The following ADAMTSL1 variants were observed in gnomAD, a reference collection of about 807,000 sequenced individuals.
ADAMTSL1 encodes ADAMTS like 1.
Under a neutral mutation model 201.8 loss-of-function variants are expected in ADAMTSL1, and 126 were observed. The ratio of observed to expected loss-of-function variants is 0.62; its 90% CI spans 0.54 to 0.72. The LOEUF (loss-of-function observed/expected upper bound fraction) is 0.72. Ranked by LOEUF, ADAMTSL1 falls within the 30% of genes least tolerant of loss-of-function variation. ADAMTSL1 has a pLI of 0.00. For missense variants in ADAMTSL1, 2,679 were observed against 2,277.8 expected, an observed-to-expected ratio of 1.18 and a Z score of -3.59; for synonymous variants, 1,121 against 903.4, an observed-to-expected ratio of 1.24 and a Z score of -4.32.
intron 2 of ADAMTSL1, among the ~76,000 whole-genome samples, chr9:18,462,150 G>C (rs1820832052): frequency 6.6e-6 from 1 of 152,146 alleles, no homozygotes; most frequent in Non-Finnish European, 1.5e-5. Flanking sequence ...CTCAACGTGT[G>C]CTTAAGGTAT....
rs1588401853 is a variant in ADAMTSL1 at position 17,912,167 on chromosome 9, G to A, written c.87+5245G>A. On this transcript the variant is annotated intron_variant, in intron 1 of 29. Coordinates refer to the ADAMTSL1 transcript ENST00000680146. ...ACATATGTGTGCATGTGTCTTTATA[G>A]CAGCATGATTTATAGTCCTTTTGAT... Among the ~76,000 whole-genome samples the A allele has an allele frequency of 3.5e-5, 2 of 57,478 alleles. 1 individual carries two copies. Among genetic ancestry groups the A allele is most frequent in the Non-Finnish European group, 1.1e-4 (2 of 18,372 alleles). The allele number at this position is 57,478 out of a possible 152,430, so 37.7% of individuals were successfully genotyped here.
At chr9:18,070,843 C>T (rs1414944546) in intron 1 of ADAMTSL1, among the ~76,000 whole-genome samples, 1 of 152,056 alleles carries the variant, frequency 6.6e-6, no homozygotes, top group Non-Finnish European at 1.5e-5. Context: ...ACACTCATCC[C>T]CACCCCGATG....
At chr9:18,025,354 G>T (rs900199114) in intron 1 of ADAMTSL1, among the ~76,000 whole-genome samples, 1 of 151,810 alleles carries the variant, frequency 6.6e-6, no homozygotes, top group Non-Finnish European at 1.5e-5. Context: ...AAGATTACTT[G>T]CTAGGTTTTC....
intron 2 of ADAMTSL1, among the ~76,000 whole-genome samples, chr9:18,465,921 T>G (rs1184293273): frequency 1.9e-5 from 2 of 107,586 alleles, no homozygotes; most frequent in African/African-American, 7.8e-5. Flanking sequence ...GCTAATTTTG[T>G]TTTTTTTTTA....
chr9:17,941,632 T>C (rs1827242922), intron 1 of ADAMTSL1, among the ~76,000 whole-genome samples: 1 of 152,120 alleles, frequency 6.6e-6, no homozygotes, highest in South Asian at 2.1e-4. Flanking sequence ...CTTTTGAGTA[T>C]AGAGTCGGGG....
At chr9:18,001,151 A>T (rs1005419381) in intron 1 of ADAMTSL1, among the ~76,000 whole-genome samples, 1 of 152,076 alleles carries the variant, frequency 6.6e-6, no homozygotes, top group Non-Finnish European at 1.5e-5. Flanking sequence ...CTGGTCTTTG[A>T]AATAGACAAA....
At chr9:18,012,536 C>A (rs967980985) in intron 1 of ADAMTSL1, among the ~76,000 whole-genome samples, 4 of 152,022 alleles carry the variant, frequency 2.6e-5, no homozygotes, top group Non-Finnish European at 5.9e-5. Context: ...GCCCAAGACT[C>A]GTACGTGAAC....
intron 2 of ADAMTSL1, among the ~76,000 whole-genome samples, chr9:18,434,332 A>C (rs1487640440): frequency 6.6e-6 from 1 of 152,196 alleles, no homozygotes; most frequent in Non-Finnish European, 1.5e-5. Context: ...TCCACCATGC[A>C]TCCCTTCTGT....
At chr9:18,708,639 TG>T (rs1294310717) in intron 14 of ADAMTSL1, among the ~76,000 whole-genome samples, 1 of 152,234 alleles carries the variant, frequency 6.6e-6, no homozygotes, top group East Asian at 1.9e-4. Context: ...ACATAGCAGA[TG>T]ACTCAGCATT....
At chr9:18,523,224 C>T (rs1353659673) in intron 2 of ADAMTSL1, among the ~76,000 whole-genome samples, 1 of 152,174 alleles carries the variant, frequency 6.6e-6, no homozygotes, top group Non-Finnish European at 1.5e-5. Flanking sequence ...TGTCTGTTGG[C>T]TGCATAAATG....
Position 18,425,707 on chromosome 9 carries a change from A to T in ADAMTSL1, c.208-79122A>T, listed in dbSNP as rs146061599. 1.7e-3 allele frequency among the ~76,000 whole-genome samples: 251 copies of T among 151,852 alleles called. 1 individual carries two copies. Among genetic ancestry groups the T allele is most frequent in the African/African-American group, 5.9e-3 (246 of 41,410 alleles). On this transcript the variant is annotated intron_variant, in intron 2 of 29. Coordinates refer to the ADAMTSL1 transcript ENST00000680146. ...CATCTCTAAATAAGTTTAAAAAAAA[A>T]ATAGCTGAGCAGGTGGTGCATACCT...
intron 2 of ADAMTSL1, among the ~76,000 whole-genome samples, chr9:18,243,077 A>C (rs1831129854): frequency 6.6e-6 from 1 of 152,158 alleles, no homozygotes; most frequent in Admixed American, 6.6e-5. Context: ...TTCTGATTTA[A>C]AATTATATTA....
At position 18,817,140 on chromosome 9, in the gene ADAMTSL1, A is replaced by T; in HGVS notation, c.3837A>T (p.Thr1279=). The change falls in exon 21 of 29, where the codon ACA becomes ACT. Residue 1279 remains threonine (T), a synonymous_variant. Transcript: ENST00000380548. ...CACTAGTGAAAACGTCACGAATGAC[A>T]GTGATCAACACGGAGAAGCCTGCAG... The part of the protein sequence containing the change: ...GKPLVKTSRM[T]VINTEKPAVT... 1 of 1,605,206 alleles carries T rather than the reference A, an allele frequency of 6.2e-7. No homozygotes were observed. The highest frequency in any genetic ancestry group is 2.2e-5 in the East Asian group (1 of 44,700).
intron 2 of ADAMTSL1, among the ~76,000 whole-genome samples, chr9:18,423,762 A>C (rs1819069361): frequency 6.6e-6 from 1 of 152,212 alleles, no homozygotes; most frequent in Non-Finnish European, 1.5e-5. Flanking sequence ...TCTCCTGGTA[A>C]AATGTGCAAG....
chr9:18,522,012 C>A (rs1451060267), intron 2 of ADAMTSL1, among the ~76,000 whole-genome samples: 3 of 152,104 alleles, frequency 2.0e-5, no homozygotes, highest in Non-Finnish European at 4.4e-5. Flanking sequence ...AGACAGTGAG[C>A]ATCTGAGAAG....
intron 2 of ADAMTSL1, among the ~76,000 whole-genome samples, chr9:18,358,097 T>C (rs1453345665): frequency 6.6e-6 from 1 of 152,200 alleles, no homozygotes; most frequent in Non-Finnish European, 1.5e-5. Flanking sequence ...CATGTTACTT[T>C]GGTCAAGTCA....
rs771295399 is a variant in ADAMTSL1, at chr9:18,889,549, G to A, written c.4463-19G>A. On this transcript the variant is annotated intron_variant, in intron 24 of 28. Coordinates refer to ENST00000380548, the MANE Select transcript of ADAMTSL1 (RefSeq NM_001040272.6). ...ATTATGCTATATTCTTTTCTACACT[G>A]CTCCTCCTCCCATGACAGATTACTG... 4 of 1,612,220 alleles carry A rather than the reference G, an allele frequency of 2.5e-6. No individual in the cohort carries two copies. In the Admixed American group the frequency reaches 6.7e-5, roughly 27 times the overall value.
chr9:18,258,788 T>C (rs1831798394), intron 2 of ADAMTSL1, among the ~76,000 whole-genome samples: 1 of 152,190 alleles, frequency 6.6e-6, no homozygotes, highest in Non-Finnish European at 1.5e-5. Context: ...GTCTCTCATC[T>C]TTCTCCTTGT....
chr9:18,606,022 T>C (rs1298613321), intron 4 of ADAMTSL1, among the ~76,000 whole-genome samples: 2 of 152,106 alleles, frequency 1.3e-5, no homozygotes, highest in African/African-American at 2.4e-5. Flanking sequence ...AAAGTTCACA[T>C]TGGGGTCATG....
Sources: gnomAD v4.1 joint callset for allele counts (sites outside exome capture counted in the v4.1 genomes callset) on GRCh38, gnomAD v4.1.1 for gene constraint, MANE v1.5 for transcripts, NCBI Gene and HGNC (gene_info 2026-07-23, HGNC 2026-07-21) for gene names.